CCDC198: variants seen among roughly 807,000 people sequenced by gnomAD.
CCDC198 encodes factor associated with metabolism and energy.
Under a neutral mutation model 35.6 loss-of-function variants are expected in CCDC198, and 18 were observed. The ratio of observed to expected loss-of-function variants is 0.51; its 90% confidence interval spans 0.35 to 0.75. The LOEUF is 0.75. CCDC198 is among the 30% of genes least tolerant of loss of function. The pLI is 0.01. For synonymous variants in CCDC198, 119 were observed against 113.4 expected, an observed-to-expected ratio of 1.05 and a Z score of -0.31; for missense variants, 365 against 343.7, an observed-to-expected ratio of 1.06 and a Z score of -0.49.
intron 3 of CCDC198, among the ~76,000 whole-genome samples, chr14:57,482,591 G>A (rs1362718690): frequency 1.3e-5 from 2 of 152,122 alleles, no homozygotes; most frequent in Non-Finnish European, 2.9e-5. Flanking sequence ...TGCATAGCAG[G>A]GAAAAGATAC....
intron 5 of CCDC198, among the ~76,000 whole-genome samples, chr14:57,477,892 T>A (rs1009508177): frequency 7.9e-5 from 12 of 152,118 alleles, no homozygotes; most frequent in South Asian, 2.1e-4. Context: ...GAGACGGGGT[T>A]TCACCATGTT....
chr14:57,492,152 A>G (rs1329886800), intron 1 of CCDC198, among the ~76,000 whole-genome samples: 2 of 152,122 alleles, frequency 1.3e-5, no homozygotes, highest in East Asian at 3.9e-4. Flanking sequence ...AGGCTGTGTC[A>G]GGCATTTATT....
intron 2 of CCDC198, among the ~76,000 whole-genome samples, chr14:57,489,786 T>C (rs2067498663): frequency 1.3e-5 from 2 of 151,670 alleles, no homozygotes; most frequent in East Asian, 3.9e-4. Flanking sequence ...ACTAGAGTAA[T>C]ATCTTCTATT....
At chr14:57,484,046 A>G (rs768934673) in intron 2 of CCDC198, among the ~76,000 whole-genome samples, 11 of 152,308 alleles carry the variant, frequency 7.2e-5, no homozygotes, top group South Asian at 2.1e-4. Flanking sequence ...CCTGCAGGGC[A>G]GAAAAAATCT....
Position 57,493,628 on chromosome 14 carries a change from G to C in CCDC198, c.88C>G (p.Arg30Gly). 8 of 1,613,872 alleles carry C rather than the reference G, an allele frequency of 5.0e-6. No individual in the cohort carries two copies. Among genetic ancestry groups the C allele is most frequent in the Non-Finnish European group, 6.8e-6 (8 of 1,179,896 alleles). ...NKEVETPSAGRVDFAFNQNLE... is the reference protein window; with the variant it reads ...NKEVETPSAGGVDFAFNQNLE... Reference sequence around the variant, plus strand: ...TTCTGATTGAATGCAAAGTCCACACGGCCAGCCGAGGGAGTCTCTACCTCT... The same window carrying C: ...TTCTGATTGAATGCAAAGTCCACACCGCCAGCCGAGGGAGTCTCTACCTCT... Residue 30 changes from arginine to glycine, a missense_variant, in exon 1 of 6, where the codon CGT becomes GGT. Physicochemically the swap from Arg to Gly is moderately radical, Grantham distance 125 (BLOSUM62 -2). Coordinates refer to ENST00000216445, the MANE Select transcript of CCDC198 (RefSeq NM_018168.4).
rs191323957 is a variant in CCDC198 at position 57,486,873 on chromosome 14, A to G, written c.307-3722T>C. ...GGGTTCAGTGGTAGATATCTTCAAG[A>G]ACTCTCTCCAGGTTGAGTTTCTCCC... On this transcript the variant is annotated intron_variant, in intron 2 of 5. Transcript: ENST00000216445. 2.1e-3 allele frequency among the ~76,000 whole-genome samples: 321 copies of G among 152,250 alleles called. 4 individuals are homozygous for G. The highest frequency in any genetic ancestry group is 7.1e-3 in the African/African-American group (294 of 41,548).
intron 5 of CCDC198, chr14:57,478,899 A>G (rs1437236590): frequency 8.1e-7 from 1 of 1,238,078 alleles, no homozygotes; most frequent in African/African-American, 1.5e-5. Flanking sequence ...CAAGACCTCC[A>G]GAGACATAGC....
chr14:57,489,635 C>A (rs899938155), intron 2 of CCDC198, among the ~76,000 whole-genome samples: 2 of 152,012 alleles, frequency 1.3e-5, no homozygotes, highest in African/African-American at 4.8e-5. Flanking sequence ...GGTGGTGGTG[C>A]AGTGTTTGAC....
rs149469713 is a variant in CCDC198, at chr14:57,475,694, C to A, written c.656-4104G>T. On this transcript the variant is annotated intron_variant, in intron 5 of 5. Transcript: ENST00000216445. ...TGCACTCCAGCCTGGGTAACAGGAG[C>A]GAAACTCTGTCTTAAAAAAAAAAAA... 1,911 of 385,980 alleles carry A rather than the reference C, an allele frequency of 5.0e-3. 37 individuals are homozygous for A. Among genetic ancestry groups the A allele is most frequent in the African/African-American group, 0.044 (1,776 of 40,190 alleles). The allele number at this position is 385,980 out of a possible 1,614,324, so 23.9% of individuals were successfully genotyped here. A position where few individuals can be genotyped will look rare whatever the true frequency, so the allele number is the denominator to read the frequency against.
At chr14:57,483,978 G>A (rs1263107991) in intron 2 of CCDC198, among the ~76,000 whole-genome samples, 1 of 152,208 alleles carries the variant, frequency 6.6e-6, no homozygotes, top group African/African-American at 2.4e-5. Context: ...ATGCATAATA[G>A]ATGTACATTT....
chr14:57,493,793 G>T lies in CCDC198; in HGVS notation c.-78C>A. 1 of 1,107,990 alleles carries T rather than the reference G, an allele frequency of 9.0e-7. No individual in the cohort carries two copies. Among genetic ancestry groups the T allele is most frequent in the Non-Finnish European group, 1.3e-6 (1 of 771,212 alleles). The allele number at this position is 1,107,990 out of a possible 1,614,324, so 68.6% of individuals were successfully genotyped here. A position where few individuals can be genotyped will look rare whatever the true frequency, so the allele number is the denominator to read the frequency against. On this transcript the variant is annotated 5_prime_UTR_variant, in exon 1 of 6. Transcript: ENST00000216445. Reference sequence around the variant, plus strand: ...TTTAATATAGCTTATTTTAATCAAAGCATTTCAGAAGTTTACCCTCGCTTT... The same window carrying T: ...TTTAATATAGCTTATTTTAATCAAATCATTTCAGAAGTTTACCCTCGCTTT...
At chr14:57,486,536 A>G (rs926578623) in intron 2 of CCDC198, among the ~76,000 whole-genome samples, 2 of 151,898 alleles carry the variant, frequency 1.3e-5, no homozygotes, top group African/African-American at 4.8e-5. Context: ...GGTCTGGGGT[A>G]TGTCCTGGAA....
chr14:57,475,788 C>CTTTT (rs548486752), intron 5 of CCDC198: 2,290 of 108,906 alleles, frequency 0.021, 262 homozygotes, highest in East Asian at 0.036. Context: ...CACTTAGCTT[C>CTTTT]TTTTTTTTTT....
intron 5 of CCDC198, among the ~76,000 whole-genome samples, chr14:57,479,486 A>C (rs949888843): frequency 1.3e-5 from 2 of 152,118 alleles, no homozygotes; most frequent in Non-Finnish European, 2.9e-5. Flanking sequence ...ATTTTATGAG[A>C]TTACTCTGAT....
chr14:57,471,522 T>G lies in CCDC198; in HGVS notation c.724A>C (p.Lys242Gln). 6.2e-7 allele frequency: 1 copy of G among 1,613,678 alleles called. No homozygotes were observed. The highest frequency in any genetic ancestry group is 2.2e-5 in the East Asian group (1 of 44,870). Reference protein sequence around the residue: ...VNNYCPWKIGKMETWLHEQEA... With the variant: ...VNNYCPWKIGQMETWLHEQEA... ...TGTTCATGAAGCCATGTTTCCATTT[T>G]GCCAATTTTCCAGGGACAGTAGTTA... Residue 242 changes from lysine (K) to glutamine (Q), a missense_variant, in exon 6 of 6, where the codon AAA (lysine) becomes CAA (glutamine). Physicochemically the swap from Lys to Gln is moderately conservative, Grantham distance 53. Coordinates refer to ENST00000216445, the MANE Select transcript of CCDC198 (RefSeq NM_018168.4).
chr14:57,490,233 C>G (rs1298554802), intron 2 of CCDC198, among the ~76,000 whole-genome samples: 1 of 152,154 alleles, frequency 6.6e-6, no homozygotes, highest in African/African-American at 2.4e-5. Context: ...AACCCTCCTT[C>G]CAATGATGCT....
Position 57,469,907 on chromosome 14 carries a change from C to A in CCDC198, c.*1448G>T, listed in dbSNP as rs527778287. 1 of 152,170 alleles carries A rather than the reference C, an allele frequency of 6.6e-6. No homozygotes were observed. The highest frequency in any genetic ancestry group is 6.5e-5 in the Admixed American group (1 of 15,288). 9.4% of individuals were successfully genotyped at this position (152,170 alleles called of 1,614,324 possible). ...CTTCCCATATAAGGCACAAAAGGGT[C>A]TTTTTGTTTTGCTTTGTTTTAAAGC... On this transcript the variant is annotated 3_prime_UTR_variant, in exon 6 of 6. Coordinates refer to ENST00000216445, the MANE Select transcript of CCDC198 (RefSeq NM_018168.4).
At chr14:57,485,542 G>T (rs1267195092) in intron 2 of CCDC198, among the ~76,000 whole-genome samples, 1 of 152,176 alleles carries the variant, frequency 6.6e-6, no homozygotes, top group Admixed American at 6.5e-5. Flanking sequence ...GGCTTTCAAG[G>T]TGACCAGAAT....
intron 5 of CCDC198, chr14:57,478,484 C>A: frequency 1.0e-6 from 1 of 986,320 alleles, no homozygotes; most frequent in South Asian, 4.7e-5. Context: ...CAAAACGAAG[C>A]AGCTTTAAAA....
Sources: allele counts gnomAD v4.1 joint callset (sites outside exome capture counted in the v4.1 genomes callset), GRCh38; gene constraint gnomAD v4.1.1; transcripts MANE v1.5; gene names NCBI Gene and HGNC (gene_info 2026-07-23, HGNC 2026-07-21).